Variants in PTPRE observed in about 807,000 individuals in gnomAD.
PTPRE encodes protein tyrosine phosphatase receptor type E.
A neutral mutation model predicts 102.0 loss-of-function variants in PTPRE; 51 were observed. The observed-to-expected ratio is 0.50, with a 90% CI of 0.40 to 0.63. The LOEUF is 0.63. PTPRE is among the 30% of genes least tolerant of loss of function. PTPRE has a pLI of 0.00. For synonymous variants in PTPRE, 345 were observed against 348.2 expected (o/e 0.99, Z 0.10); for missense variants, 752 against 915.1 (o/e 0.82, Z 2.30).
At chr10:128,077,256 G>A (rs1851284374) in intron 18 of PTPRE, among the ~76,000 whole-genome samples, 1 of 152,194 alleles carries the variant, frequency 6.6e-6, no homozygotes, top group African/African-American at 2.4e-5. Flanking sequence ...AGACTCAGAT[G>A]CTGCTCATTT....
At chr10:128,072,434 C>T in intron 16 of PTPRE, 1 of 445,074 alleles carries the variant, frequency 2.2e-6, no homozygotes, top group Middle Eastern at 4.4e-4. Flanking sequence ...GGGCAGATCA[C>T]TTGGGGTCAG....
chr10:128,045,248 C>T (rs961179305), intron 3 of PTPRE, among the ~76,000 whole-genome samples: 5 of 152,234 alleles, frequency 3.3e-5, no homozygotes, highest in Non-Finnish European at 5.9e-5. Flanking sequence ...TGGTTCAGCC[C>T]CGTCTTCTAT....
At chr10:127,914,160 A>T (rs1414010597) in intron 1 of PTPRE, among the ~76,000 whole-genome samples, 1 of 151,488 alleles carries the variant, frequency 6.6e-6, no homozygotes, top group Non-Finnish European at 1.5e-5. Context: ...TCTTGTTCCC[A>T]CTCTCACTGT....
chr10:127,957,904 A>G (rs1042036352), intron 1 of PTPRE, among the ~76,000 whole-genome samples: 3 of 152,176 alleles, frequency 2.0e-5, no homozygotes, highest in Admixed American at 6.5e-5. Context: ...GATCTTGTAC[A>G]TATTTTGTTA....
At chr10:128,042,288 GC>G (rs1847763381) in intron 3 of PTPRE, among the ~76,000 whole-genome samples, 1 of 152,216 alleles carries the variant, frequency 6.6e-6, no homozygotes, top group Non-Finnish European at 1.5e-5. Context: ...GGAAGAATCT[GC>G]CCGAGCTCTG....
chr10:127,975,887 T>C (rs1357889362), intron 1 of PTPRE, among the ~76,000 whole-genome samples: 5 of 152,070 alleles, frequency 3.3e-5, no homozygotes, highest in African/African-American at 1.2e-4. Context: ...GGGGAGTCCT[T>C]GTGGCAAGCT....
chr10:128,015,903 C>T (rs777487366), intron 2 of PTPRE, among the ~76,000 whole-genome samples: 7 of 152,154 alleles, frequency 4.6e-5, no homozygotes, highest in African/African-American at 7.2e-5. Context: ...GAATGGGCTG[C>T]GGTGCCCATG....
At chr10:128,047,616 C>T in intron 4 of PTPRE, 127 bp downstream of exon 4, 1 of 1,613,814 alleles carries the variant, frequency 6.2e-7, no homozygotes, top group South Asian at 1.1e-5. Context: ...GCCTGGGAGA[C>T]ACACAGAGGC....
chr10:128,003,000 T>C (rs147227954), intron 2 of PTPRE, among the ~76,000 whole-genome samples: 3 of 152,200 alleles, frequency 2.0e-5, no homozygotes, highest in Non-Finnish European at 4.4e-5. Flanking sequence ...GGCCTGGGAG[T>C]CATATGTCTT....
At chr10:127,948,779 G>A (rs1030689074) in intron 1 of PTPRE, among the ~76,000 whole-genome samples, 1 of 152,190 alleles carries the variant, frequency 6.6e-6, no homozygotes, top group African/African-American at 2.4e-5. Flanking sequence ...TTAATTTGAG[G>A]TGCCAACTTG....
intron 2 of PTPRE, among the ~76,000 whole-genome samples, chr10:127,991,467 C>G (rs1852647379): frequency 6.6e-6 from 1 of 152,172 alleles, no homozygotes; most frequent in South Asian, 2.1e-4. Flanking sequence ...GTTAATATCA[C>G]TTAAGAGAGG....
intron 2 of PTPRE, among the ~76,000 whole-genome samples, chr10:128,026,576 C>T (rs1846307217): frequency 6.6e-6 from 1 of 152,226 alleles, no homozygotes; most frequent in African/African-American, 2.4e-5. Flanking sequence ...AGCCCCTCAT[C>T]CTTATTTCTC....
chr10:128,018,005 G>C (rs1398006982), intron 2 of PTPRE, among the ~76,000 whole-genome samples: 2 of 152,216 alleles, frequency 1.3e-5, no homozygotes, highest in Non-Finnish European at 2.9e-5. Context: ...CAGGGGCTGT[G>C]ACACAGGAGG....
chr10:128,009,139 TCA>T (rs1844763523), intron 2 of PTPRE, among the ~76,000 whole-genome samples: 1 of 152,200 alleles, frequency 6.6e-6, no homozygotes, highest in Non-Finnish European at 1.5e-5. Flanking sequence ...AGGAGGGGTC[TCA>T]CTGTCCAGCA....
In PTPRE at chr10:127,908,988, C is replaced by T. The variant is rs183924245; in HGVS notation, c.-31+1679C>T. On this transcript the variant is annotated intron_variant, in intron 1 of 20. Coordinates refer to ENST00000254667, the MANE Select transcript of PTPRE (RefSeq NM_006504.6). ...GTCGATGAGGGTGTTATTGTCTTTA[C>T]GTGTGATGCTTCTTGGAGGCCCTGT... is the stretch of plus-strand genomic sequence containing the variant. Among the ~76,000 whole-genome samples the T allele has an allele frequency of 5.3e-5, 8 of 152,332 alleles. No individual in the cohort carries two copies. The East Asian group carries it at 9.7e-4, about 18-fold the overall frequency.
rs191660279 is a variant in PTPRE, at chr10:127,969,645, C to T, written c.-30-12629C>T. Among the ~76,000 whole-genome samples the T allele has an allele frequency of 5.9e-5, 8 of 136,258 alleles. No individual in the cohort carries two copies. In the East Asian group the frequency reaches 1.7e-3, roughly 29 times the overall value. The allele number at this position is 136,258 out of a possible 152,430, so 89.4% of individuals were successfully genotyped here. On this transcript the variant is annotated intron_variant, in intron 1 of 20. Transcript: ENST00000254667. ...ATTGGGCCACTGCACTCCACCCTGG[C>T]AACAGAGCGATACTCTGCCTAAAAA...
At chr10:128,035,325 G>T (rs1279356134) in intron 2 of PTPRE, among the ~76,000 whole-genome samples, 1 of 152,034 alleles carries the variant, frequency 6.6e-6, no homozygotes, top group Non-Finnish European at 1.5e-5. Context: ...TTTTCAGAAA[G>T]ATTGTTTAAT....
chr10:127,996,268 G>A lies in PTPRE; in HGVS notation c.-8+13972G>A, dbSNP rs564153264. ...AAAGGCAGTTTAAAGGGCTAAAGATGCCCATTCAGGCAATAGTAGATTACA... is the reference window on the plus strand; with the variant it reads ...AAAGGCAGTTTAAAGGGCTAAAGATACCCATTCAGGCAATAGTAGATTACA... On this transcript the variant is annotated intron_variant, in intron 2 of 20. Coordinates refer to ENST00000254667, the MANE Select transcript of PTPRE (RefSeq NM_006504.6). Among the ~76,000 whole-genome samples, 54 of 152,310 alleles carry A rather than the reference G, an allele frequency of 3.5e-4. 1 individual carries two copies. Among genetic ancestry groups the A allele is most frequent in the African/African-American group, 1.2e-3 (51 of 41,572 alleles).
chr10:127,963,653 C>A (rs557410484), intron 1 of PTPRE, among the ~76,000 whole-genome samples: 1 of 151,708 alleles, frequency 6.6e-6, no homozygotes, highest in Non-Finnish European at 1.5e-5. Flanking sequence ...CTGTTTCCTC[C>A]GATCTCACCT....
Sources: allele counts gnomAD v4.1 joint callset (sites outside exome capture counted in the v4.1 genomes callset), GRCh38; gene constraint gnomAD v4.1.1; transcripts MANE v1.5; gene names NCBI Gene and HGNC (gene_info 2026-07-23, HGNC 2026-07-21).